The following MGST2 variants were observed in gnomAD, a reference collection of about 807,000 sequenced individuals.
MGST2 encodes the protein glutathione peroxidase MGST2.
MGST2 carries 9 observed loss-of-function variants against 16.6 expected under a neutral mutation model. The observed-to-expected ratio is 0.54, with a 90% CI of 0.33 to 0.95. MGST2 has a LOEUF of 0.95. Ranked by LOEUF, MGST2 falls within the 40% of genes least tolerant of loss-of-function variation. MGST2 has a pLI of 0.03. For synonymous variants in MGST2, 79 were observed against 68.0 expected, an observed-to-expected ratio of 1.16 and a Z score of -0.79; for missense variants, 159 against 175.1, an observed-to-expected ratio of 0.91 and a Z score of 0.52.
intron 5 of MGST2, among the ~76,000 whole-genome samples, chr4:139,722,493 T>G (rs1422034254): frequency 6.6e-6 from 1 of 152,208 alleles, no homozygotes; most frequent in Non-Finnish European, 1.5e-5. Context: ...AAGCAGATAT[T>G]ATTGTGAGAC....
chr4:139,719,006 G>T (rs912716560), intron 5 of MGST2: 9 of 291,896 alleles, frequency 3.1e-5, no homozygotes, highest in African/African-American at 2.0e-4. Context: ...GCTCCTGCTG[G>T]GCCAGGCGAT....
chr4:139,703,660 G>C, intron 4 of MGST2, 124 bp downstream of exon 4: 1 of 907,324 alleles, frequency 1.1e-6, no homozygotes, highest in South Asian at 1.4e-5. Context: ...AATCCATACT[G>C]TCTGAGGTCA....
intron 2 of MGST2, among the ~76,000 whole-genome samples, chr4:139,691,909 C>T (rs1726631946): frequency 1.3e-5 from 2 of 152,074 alleles, no homozygotes; most frequent in African/African-American, 4.8e-5. Context: ...ACCGTGTTAG[C>T]CAGGACGGTC....
At chr4:139,667,627 A>G (rs1579280831) in intron 1 of MGST2, among the ~76,000 whole-genome samples, 4 of 152,290 alleles carry the variant, frequency 2.6e-5, no homozygotes, top group South Asian at 4.2e-4. Context: ...TGGGAGGCCA[A>G]GGCAGGTGGA....
chr4:139,717,468 C>T (rs542605815), intron 5 of MGST2: 1 of 152,442 alleles, frequency 6.6e-6, no homozygotes, highest in Non-Finnish European at 1.5e-5. Flanking sequence ...CCTGCTGCCA[C>T]CTCTTCGGAG....
intron 5 of MGST2, chr4:139,730,447 T>A (rs779251360): frequency 6.4e-7 from 1 of 1,551,954 alleles, no homozygotes; most frequent in South Asian, 1.2e-5. Context: ...CTGCTGCTGC[T>A]GCTGCTGCTG....
At chr4:139,689,907 AG>A (rs1286170195) in intron 2 of MGST2, among the ~76,000 whole-genome samples, 1 of 152,254 alleles carries the variant, frequency 6.6e-6, no homozygotes, top group Non-Finnish European at 1.5e-5. Flanking sequence ...CCCACATTGA[AG>A]GAATACACTA....
chr4:139,668,350 A>G (rs1438438485), intron 1 of MGST2, among the ~76,000 whole-genome samples: 1 of 152,202 alleles, frequency 6.6e-6, no homozygotes, highest in Non-Finnish European at 1.5e-5. Context: ...ATCAGAGAAA[A>G]GACCTGGCAA....
chr4:139,725,047 C>T (rs1728409579), intron 5 of MGST2, among the ~76,000 whole-genome samples: 2 of 152,198 alleles, frequency 1.3e-5, no homozygotes, highest in Admixed American at 1.3e-4. Flanking sequence ...GCGTGAGCCA[C>T]CGCACCCGGC....
At chr4:139,726,272 G>A (rs1289425621) in intron 5 of MGST2, among the ~76,000 whole-genome samples, 6 of 152,200 alleles carry the variant, frequency 3.9e-5, no homozygotes, top group Non-Finnish European at 1.5e-5. Flanking sequence ...CTTGTTGCTT[G>A]TTCATTCTCA....
intron 2 of MGST2, chr4:139,678,923 G>A: frequency 1.9e-6 from 1 of 512,830 alleles, no homozygotes; most frequent in Admixed American, 3.4e-5. Flanking sequence ...AGGGTCACTG[G>A]GTCAAAGAGG....
chr4:139,730,254 T>C (rs1331783560), intron 5 of MGST2: 1 of 657,440 alleles, frequency 1.5e-6, no homozygotes, highest in African/African-American at 1.8e-5. Flanking sequence ...CCTAACTAAT[T>C]GAAAGGTCTA....
chr4:139,719,521 G>C lies in MGST2; in HGVS notation c.*48+15325G>C, dbSNP rs1728140881. 1.9e-6 allele frequency: 3 copies of C among 1,613,854 alleles called. No individual in the cohort carries two copies. The South Asian group carries it at 3.3e-5, about 18-fold the overall frequency. On this transcript the variant is annotated intron_variant, in intron 5 of 5. Coordinates refer to the MGST2 transcript ENST00000616265. Reference sequence around the variant, plus strand: ...GGCTCTGGCTGCTTGGAGCAAAGCTGCCACTGGGTATCTGCTGCTGTGCTG... The same window carrying C: ...GGCTCTGGCTGCTTGGAGCAAAGCTCCCACTGGGTATCTGCTGCTGTGCTG...
chr4:139,675,310 G>C (rs1286367140), intron 1 of MGST2, among the ~76,000 whole-genome samples: 1 of 152,186 alleles, frequency 6.6e-6, no homozygotes, highest in Non-Finnish European at 1.5e-5. Context: ...CTCCATGCCA[G>C]AAGTTTATTA....
the MGST2 span, among the ~76,000 whole-genome samples, chr4:139,748,148 G>A: frequency 1.3e-5 from 2 of 152,054 alleles, no homozygotes; most frequent in South Asian, 4.2e-4. Context: ...CACTGCCCAT[G>A]GTATATTCAG....
At chr4:139,688,923 G>A (rs1341544833) in intron 2 of MGST2, among the ~76,000 whole-genome samples, 8 of 151,856 alleles carry the variant, frequency 5.3e-5, no homozygotes, top group Admixed American at 3.3e-4. Context: ...CCTGGCCAAC[G>A]TGATGAAACC....
At chr4:139,716,374 A>G (rs1403146128) in intron 5 of MGST2, among the ~76,000 whole-genome samples, 2 of 152,096 alleles carry the variant, frequency 1.3e-5, no homozygotes, top group Non-Finnish European at 2.9e-5. Flanking sequence ...CCCTCAATAT[A>G]TTCCGATTTT....
At chr4:139,734,772 T>C (rs1728865537) in intron 5 of MGST2, among the ~76,000 whole-genome samples, 1 of 152,264 alleles carries the variant, frequency 6.6e-6, no homozygotes, top group Non-Finnish European at 1.5e-5. Flanking sequence ...TTCAAGAACA[T>C]GCATAGTGTT....
chr4:139,672,312 C>A (rs574399546), intron 1 of MGST2, among the ~76,000 whole-genome samples: 1 of 152,302 alleles, frequency 6.6e-6, no homozygotes, highest in Admixed American at 6.5e-5. Context: ...AGAAGACTTG[C>A]CAAGTATTTT....
Sources: gnomAD v4.1 joint callset for allele counts (sites outside exome capture counted in the v4.1 genomes callset) on GRCh38, gnomAD v4.1.1 for gene constraint, MANE v1.5 for transcripts, NCBI Gene and HGNC (gene_info 2026-07-23, HGNC 2026-07-21) for gene names.